PCDH15: variants seen among roughly 807,000 people sequenced by gnomAD.
PCDH15 encodes the protein protocadherin related 15.
A neutral mutation model predicts 178.5 loss-of-function variants in PCDH15; 129 were observed. That is an observed-to-expected ratio of 0.72 (90% CI 0.63 to 0.84). The LOEUF (loss-of-function observed/expected upper bound fraction) is 0.84. PCDH15 is among the 40% of genes least tolerant of loss of function. The pLI is 0.00. For missense variants in PCDH15, 2,230 were observed against 2,099.9 expected (o/e 1.06, Z -1.21); for synonymous variants, 800 against 732.0 (o/e 1.09, Z -1.50).
At chr10:54,576,040 A>G (rs370687068) in intron 2 of PCDH15, among the ~76,000 whole-genome samples, 2 of 40,852 alleles carry the variant, frequency 4.9e-5, no homozygotes, top group Non-Finnish European at 1.2e-4. Context: ...TTACCTTGTT[A>G]TTAAACAAAC....
chr10:54,229,688 C>T (rs192539020), intron 9 of PCDH15, among the ~76,000 whole-genome samples: 196 of 152,224 alleles, frequency 1.3e-3, no homozygotes, highest in Non-Finnish European at 1.5e-3. Context: ...GTGAGACATG[C>T]CGTTCACCTT....
intron 1 of PCDH15, among the ~76,000 whole-genome samples, chr10:54,759,930 T>C (rs1947655907): frequency 6.6e-6 from 1 of 152,150 alleles, no homozygotes; most frequent in South Asian, 2.1e-4. Context: ...AATTAGTGCC[T>C]TCTCCTGTTT....
chr10:54,102,931 T>A (rs6481056), intron 15 of PCDH15, among the ~76,000 whole-genome samples: 1 of 152,202 alleles, frequency 6.6e-6, no homozygotes, highest in South Asian at 2.1e-4. Flanking sequence ...TCAGAGCCAG[T>A]GTCCAGCAGT....
At chr10:54,664,668 A>G (rs932099239) in intron 1 of PCDH15, among the ~76,000 whole-genome samples, 2 of 151,978 alleles carry the variant, frequency 1.3e-5, no homozygotes, top group African/African-American at 4.8e-5. Context: ...AAAGTGTAAG[A>G]TAGTAAGCCA....
chr10:54,017,775 T>C (rs575981918), intron 20 of PCDH15, among the ~76,000 whole-genome samples: 2 of 152,152 alleles, frequency 1.3e-5, no homozygotes, highest in African/African-American at 4.8e-5. Flanking sequence ...TGTGAACATG[T>C]AATGCCTGAA....
chr10:54,685,618 C>T (rs1380008654), intron 1 of PCDH15, among the ~76,000 whole-genome samples: 1 of 152,070 alleles, frequency 6.6e-6, no homozygotes, highest in Non-Finnish European at 1.5e-5. Flanking sequence ...TGTACAGATG[C>T]TCATCAAATT....
At chr10:54,521,053 G>A (rs2082802426) in intron 3 of PCDH15, among the ~76,000 whole-genome samples, 2 of 129,660 alleles carry the variant, frequency 1.5e-5, no homozygotes, top group South Asian at 5.4e-4. Flanking sequence ...CACATTCTGG[G>A]GACTGTTGTG....
At chr10:55,547,023 CAGAA>C (rs1425624712) in intron 2 of PCDH15, among the ~76,000 whole-genome samples, 1 of 151,898 alleles carries the variant, frequency 6.6e-6, no homozygotes, top group African/African-American at 2.4e-5. Context: ...AAAAAAATCT[CAGAA>C]AGTCTGATAA....
chr10:55,326,682 T>C (rs1020280040), intron 2 of PCDH15, among the ~76,000 whole-genome samples: 2 of 151,824 alleles, frequency 1.3e-5, no homozygotes, highest in Non-Finnish European at 2.9e-5. Flanking sequence ...ATTTGCAATA[T>C]AACAAAAGGA....
At chr10:53,857,742 A>G (rs2078850209) in intron 27 of PCDH15, among the ~76,000 whole-genome samples, 1 of 152,038 alleles carries the variant, frequency 6.6e-6, no homozygotes, top group Non-Finnish European at 1.5e-5. Flanking sequence ...TATTTAACCA[A>G]CTTTAAATTT....
chr10:54,034,544 A>G (rs2093372187), intron 18 of PCDH15, among the ~76,000 whole-genome samples: 1 of 151,972 alleles, frequency 6.6e-6, no homozygotes, highest in Admixed American at 6.6e-5. Context: ...TGTCTTGTCC[A>G]ACACAGTAAT....
chr10:54,179,629 A>G (rs1454016870), intron 13 of PCDH15, among the ~76,000 whole-genome samples: 1 of 152,160 alleles, frequency 6.6e-6, no homozygotes, highest in Non-Finnish European at 1.5e-5. Flanking sequence ...CTTTTAAAAT[A>G]TTGTTGTTTA....
chr10:54,541,371 G>T (rs1032818634), intron 2 of PCDH15, among the ~76,000 whole-genome samples: 4 of 152,122 alleles, frequency 2.6e-5, no homozygotes, highest in African/African-American at 4.8e-5. Flanking sequence ...CTAAAATCAT[G>T]ACTTAATATA....
intron 8 of PCDH15, among the ~76,000 whole-genome samples, chr10:54,310,679 A>T (rs1443995304): frequency 6.6e-6 from 1 of 152,100 alleles, no homozygotes; most frequent in Non-Finnish European, 1.5e-5. Flanking sequence ...CAACAAATAC[A>T]TAATCCCTAT....
rs1478783947 is a variant in PCDH15 at position 54,651,895 on chromosome 10, A to C, written c.91+12277T>G. 1.3e-5 allele frequency among the ~76,000 whole-genome samples: 2 copies of C among 152,236 alleles called. 1 individual carries two copies. The highest frequency in any genetic ancestry group is 4.1e-4 in the South Asian group (2 of 4,830). The stretch of plus-strand genomic sequence containing the variant: ...AAATATAACTGTTTCCTACAAATGC[A>C]ATGTGACAAAGGTGTAAAATTATTT... On this transcript the variant is annotated intron_variant, in intron 2 of 37. Coordinates refer to ENST00000644397, the MANE Select transcript of PCDH15 (RefSeq NM_001384140.1).
At chr10:53,928,482 A>T (rs575790293) in intron 25 of PCDH15, among the ~76,000 whole-genome samples, 4 of 152,220 alleles carry the variant, frequency 2.6e-5, no homozygotes, top group South Asian at 4.1e-4. Flanking sequence ...GCCTACAACC[A>T]TAATCAATAA....
Position 53,827,507 on chromosome 10 carries a change from G to A in PCDH15, c.4253C>T (p.Ala1418Val), listed in dbSNP as rs2076763093. The change falls in exon 32 of 38, where the codon GCA becomes GTA. Residue 1418 changes from alanine (A) to valine (V), a missense_variant. Ala to Val is a moderately conservative substitution (Grantham distance 64). Coordinates refer to ENST00000644397, the MANE Select transcript of PCDH15 (RefSeq NM_001384140.1). ...ECTKTARIQA[A>V]LPAAKPAVPA... ...CACTGCTGGTTTAGCCGCGGGTAATGCGGCCTGAATTCGTGCAGTCTTTGT... is the reference window on the plus strand; with the variant it reads ...CACTGCTGGTTTAGCCGCGGGTAATACGGCCTGAATTCGTGCAGTCTTTGT... 4 of 1,614,004 alleles carry A rather than the reference G, an allele frequency of 2.5e-6. No homozygotes were observed. The highest frequency in any genetic ancestry group is 3.3e-5 in the Admixed American group (2 of 60,008).
At chr10:55,435,161 T>A (rs1839009403) in intron 2 of PCDH15, among the ~76,000 whole-genome samples, 1 of 152,038 alleles carries the variant, frequency 6.6e-6, no homozygotes, top group South Asian at 2.1e-4. Context: ...AATGCTTTTG[T>A]GGGGTAAAGA....
At chr10:54,403,369 A>G (rs1952186628) in intron 3 of PCDH15, among the ~76,000 whole-genome samples, 1 of 152,074 alleles carries the variant, frequency 6.6e-6, no homozygotes, top group Non-Finnish European at 1.5e-5. Context: ...AGATGCAGGA[A>G]AGGCTTTCGA....
Sources: allele counts gnomAD v4.1 joint callset (sites outside exome capture counted in the v4.1 genomes callset), GRCh38; gene constraint gnomAD v4.1.1; transcripts MANE v1.5; gene names NCBI Gene and HGNC (gene_info 2026-07-23, HGNC 2026-07-21).